CYTH1: variants seen among roughly 807,000 people sequenced by gnomAD.
CYTH1 encodes cytohesin-1.
CYTH1 carries 18 observed loss-of-function variants against 61.8 expected under a neutral mutation model. That is an observed-to-expected ratio of 0.29 (90% CI 0.20 to 0.43). The LOEUF (loss-of-function observed/expected upper bound fraction) is 0.43, where lower values mean the gene tolerates loss of function less well. Ranked by LOEUF, CYTH1 falls within the 20% of genes least tolerant of loss-of-function variation. The pLI is 1.00. For missense variants in CYTH1, 336 were observed against 510.5 expected (o/e 0.66, Z 3.29); for synonymous variants, 174 against 184.3 (o/e 0.94, Z 0.45).
chr17:78,754,128 C>T lies in CYTH1; in HGVS notation c.22+28074G>A, dbSNP rs543243562. Among the ~76,000 whole-genome samples, 11 of 152,148 alleles carry T rather than the reference C, an allele frequency of 7.2e-5. 1 individual carries two copies. The highest frequency in any genetic ancestry group is 1.9e-4 in the East Asian group (1 of 5,186). On this transcript the variant is annotated intron_variant, in intron 1 of 13. Coordinates refer to ENST00000446868, the MANE Select transcript of CYTH1 (RefSeq NM_004762.6). ...TCAGGACCGTCGTGGACAAAGCGAC[C>T]GGCTACTGAGAAGCAGCGCATCTAG...
At chr17:78,737,063 T>C (rs1355326523) in intron 1 of CYTH1, 1 of 152,558 alleles carries the variant, frequency 6.6e-6, no homozygotes, top group Non-Finnish European at 1.5e-5. Context: ...GTAGCCACAC[T>C]TCTAGTCTTT....
At chr17:78,777,776 G>T (rs2093498673) in intron 1 of CYTH1, among the ~76,000 whole-genome samples, 1 of 150,780 alleles carries the variant, frequency 6.6e-6, no homozygotes, top group African/African-American at 2.4e-5. Context: ...CACGAGGTCA[G>T]GAGATCGAGA....
At chr17:78,740,400 C>A (rs2093337746) in intron 1 of CYTH1, among the ~76,000 whole-genome samples, 1 of 152,210 alleles carries the variant, frequency 6.6e-6, no homozygotes, top group South Asian at 2.1e-4. Context: ...CTATTCAATG[C>A]CTCATTCTTG....
chr17:78,754,327 A>G (rs1010167320), intron 1 of CYTH1, among the ~76,000 whole-genome samples: 2 of 152,078 alleles, frequency 1.3e-5, no homozygotes, highest in East Asian at 3.8e-4. Flanking sequence ...AGGAAATAGA[A>G]AATTGTGGGG....
intron 1 of CYTH1, among the ~76,000 whole-genome samples, chr17:78,761,476 C>A (rs887034384): frequency 6.6e-6 from 1 of 152,206 alleles, no homozygotes; most frequent in Non-Finnish European, 1.5e-5. Context: ...CGGTGGCTCA[C>A]GCCTGTAATC....
chr17:78,700,257 G>T lies in CYTH1; in HGVS notation c.550+74C>A. The T allele has an allele frequency of 7.6e-7, 1 of 1,324,286 alleles. No individual in the cohort carries two copies. The allele number at this position is 1,324,286 out of a possible 1,614,324, so 82.0% of individuals were successfully genotyped here. A position where few individuals can be genotyped will look rare whatever the true frequency, so the allele number is the denominator to read the frequency against. On this transcript the variant is annotated intron_variant, in intron 7 of 13. Transcript: ENST00000446868. This position sits in a 1 kb window ranked among gnomAD's most constrained non-coding sequence, Gnocchi z 5.1. ...CATGAATCTCAGCCCTTTTGTTTTA[G>T]AAATTATCTGGTGCCAAGAAAATAA... is the stretch of plus-strand genomic sequence containing the variant.
intron 1 of CYTH1, among the ~76,000 whole-genome samples, chr17:78,766,822 A>AG (rs1395275283): frequency 1.3e-5 from 2 of 152,208 alleles, no homozygotes; most frequent in African/African-American, 2.4e-5. Flanking sequence ...AAAAATGAAG[A>AG]GGGGGGTGTG....
At position 78,676,036 on chromosome 17, in the gene CYTH1, G is replaced by A. The variant is rs951448129; in HGVS notation, c.*55C>T. On this transcript the variant is annotated 3_prime_UTR_variant, in exon 14 of 14. Transcript: ENST00000446868. The stretch of plus-strand genomic sequence containing the variant: ...GGCAGCAGTGCATCCATGGAGGTGC[G>A]GGAGAAGAGCAGGAGCTCCAAGGCC... 3.0e-5 allele frequency: 47 copies of A among 1,566,396 alleles called. No individual in the cohort carries two copies. Among genetic ancestry groups the A allele is most frequent in the African/African-American group, 9.4e-5 (7 of 74,304 alleles).
At chr17:78,677,516 T>A (rs906027188) in intron 13 of CYTH1, 2 of 168,670 alleles carry the variant, frequency 1.2e-5, no homozygotes, top group African/African-American at 4.8e-5. Context: ...AAAGAGCACA[T>A]CTCAGCGCCT....
At chr17:78,723,670 G>C (rs2093249254) in intron 1 of CYTH1, 2 of 152,394 alleles carry the variant, frequency 1.3e-5, no homozygotes, top group Admixed American at 1.3e-4. Flanking sequence ...GGCACCACCA[G>C]CATTTGCGCA....
At position 78,717,392 on chromosome 17, in the gene CYTH1, T is replaced by G. The variant is rs1398540327; in HGVS notation, c.23-7660A>C. Reference sequence around the variant, plus strand: ...GCCCCATCACCATTCCTTTCCAGGGTTCCAATTTAATGAAGAGGATTAAAG... The same window carrying G: ...GCCCCATCACCATTCCTTTCCAGGGGTCCAATTTAATGAAGAGGATTAAAG... On this transcript the variant is annotated intron_variant, in intron 1 of 13. Coordinates refer to ENST00000446868, the MANE Select transcript of CYTH1 (RefSeq NM_004762.6). This position sits in a 1 kb window ranked among gnomAD's most constrained non-coding sequence, Gnocchi z 4.4. Among the ~76,000 whole-genome samples the G allele has an allele frequency of 6.6e-6, 1 of 152,136 alleles. No individual in the cohort carries two copies. Among genetic ancestry groups the G allele is most frequent in the Non-Finnish European group, 1.5e-5 (1 of 68,016 alleles).
At chr17:78,685,558 A>G (rs950723547) in intron 11 of CYTH1, among the ~76,000 whole-genome samples, 5 of 152,168 alleles carry the variant, frequency 3.3e-5, no homozygotes, top group African/African-American at 1.2e-4. Flanking sequence ...TCCATACTTA[A>G]GTATATTTTC....
chr17:78,782,063 CCGCCGGT>C, intron 1 of CYTH1, 132 bp downstream of exon 1: 2 of 776,322 alleles, frequency 2.6e-6, no homozygotes, highest in Non-Finnish European at 3.3e-6. Flanking sequence ...CACCGCTCGC[CCGCCGGT>C]CGCCCCGGGC....
At chr17:78,701,634 C>T in intron 6 of CYTH1, 37 bp downstream of exon 6, 1 of 1,590,868 alleles carries the variant, frequency 6.3e-7, no homozygotes. Flanking sequence ...GCTAGCCTCC[C>T]ACTCCTTCCA....
chr17:78,707,057 G>C (rs532987151), intron 3 of CYTH1, among the ~76,000 whole-genome samples: 3 of 152,112 alleles, frequency 2.0e-5, no homozygotes, highest in African/African-American at 4.8e-5. Flanking sequence ...GAAGTCCAAC[G>C]TATCCGTTTC....
chr17:78,676,413 CATA>C (rs1423553105), intron 13 of CYTH1: 2 of 530,698 alleles, frequency 3.8e-6, no homozygotes, highest in Non-Finnish European at 6.7e-6. Flanking sequence ...CCTGTTTCAA[CATA>C]ATAATCAATT....
intron 13 of CYTH1, chr17:78,676,376 C>G (rs987792864): frequency 1.4e-5 from 8 of 566,550 alleles, no homozygotes; most frequent in Admixed American, 1.0e-4. Flanking sequence ...CACAGGAACA[C>G]GTGACAAGAA....
chr17:78,731,183 G>C (rs1197505405), intron 1 of CYTH1, among the ~76,000 whole-genome samples: 1 of 152,146 alleles, frequency 6.6e-6, no homozygotes, highest in Non-Finnish European at 1.5e-5. Flanking sequence ...AGTGGCTGTT[G>C]AAACTTAAAA....
At position 78,709,639 on chromosome 17, in the gene CYTH1, C is replaced by T. The variant is rs750395679; in HGVS notation, c.105+11G>A. 21 of 1,614,016 alleles carry T rather than the reference C, an allele frequency of 1.3e-5. No individual in the cohort carries two copies. The highest frequency in any genetic ancestry group is 1.6e-5 in the Non-Finnish European group (19 of 1,179,988). ...TCTTACGTTGGTGAAACCACCATGC[C>T]ACTCTCCTACCTGAATGTCAGCCAG... is the stretch of plus-strand genomic sequence containing the variant. On this transcript the variant is annotated intron_variant, in intron 2 of 13. Coordinates refer to ENST00000446868, the MANE Select transcript of CYTH1 (RefSeq NM_004762.6).
Sources: gnomAD v4.1 joint callset for allele counts (sites outside exome capture counted in the v4.1 genomes callset) on GRCh38, gnomAD v4.1.1 for gene constraint, Gnocchi (gnomAD v3.1) non-coding constraint, MANE v1.5 for transcripts, NCBI Gene and HGNC (gene_info 2026-07-23, HGNC 2026-07-21) for gene names.